NUP153: variants seen among roughly 807,000 people sequenced by gnomAD.
NUP153 encodes the protein nucleoporin 153.
NUP153 carries 27 observed loss-of-function variants against 134.6 expected under a neutral mutation model. The observed-to-expected ratio is 0.20, with a 90% CI of 0.15 to 0.28. The LOEUF (loss-of-function observed/expected upper bound fraction) is 0.28, where lower values mean the gene tolerates loss of function less well. Ranked by LOEUF, NUP153 falls within the 10% of genes least tolerant of loss-of-function variation. The probability of loss-of-function intolerance (pLI) is 1.00; values close to 1 mark genes in which losing one functional copy is unlikely to be tolerated. For synonymous variants in NUP153, 640 were observed against 623.5 expected (o/e 1.03, Z -0.40); for missense variants, 1,821 against 1,731.3 (o/e 1.05, Z -0.92).
chr6:17,699,910 CTG>C (rs1040979884), intron 1 of NUP153, among the ~76,000 whole-genome samples: 87 of 152,302 alleles, frequency 5.7e-4, no homozygotes, highest in African/African-American at 1.9e-3. Context: ...ACTAAGATAT[CTG>C]CCTTGTCAGG....
chr6:17,670,287 A>T (rs914568123), intron 5 of NUP153, among the ~76,000 whole-genome samples: 1 of 152,078 alleles, frequency 6.6e-6, no homozygotes, highest in African/African-American at 2.4e-5. Flanking sequence ...CAAGTACAAC[A>T]TCTAAAAACA....
chr6:17,632,712 G>A lies in NUP153; in HGVS notation c.2597C>T (p.Ala866Val), dbSNP rs1422556351. 6 of 1,613,752 alleles carry A rather than the reference G, an allele frequency of 3.7e-6. No individual in the cohort carries two copies. The Admixed American group carries it at 1.0e-4, about 27-fold the overall frequency. ...ACATGCCAAACATTTGGTAGAGTCT[G>A]CCTTATTCTGCACTAGGCACAATTC... ...DCELCLVQNK[A>V]DSTKCLACES... Residue 866 changes from alanine to valine, a missense_variant, in exon 17 of 22, where the codon GCA becomes GTA. Transcript: ENST00000262077.
rs754054738 is a variant in NUP153 at position 17,628,831 on chromosome 6, T to G, written c.3368A>C (p.Asp1123Ala). Residue 1123 changes from aspartate (D) to alanine (A), a missense_variant, in exon 18 of 22, where the codon GAC becomes GCC. Coordinates refer to ENST00000262077, the MANE Select transcript of NUP153 (RefSeq NM_005124.4). The surrounding 1 kb of genome is among the most constrained non-coding windows in gnomAD (Gnocchi z 5.4). The part of the protein sequence containing the change: ...STSLVFGKKA[D>A]NEEPKCQPVF... ...TGGTTGACACTTTGGCTCTTCATTG[T>G]CAGCTTTCTTCCCAAAAACTAGGGA... 1 of 1,614,222 alleles carries G rather than the reference T, an allele frequency of 6.2e-7. No individual in the cohort carries two copies. Among genetic ancestry groups the G allele is most frequent in the South Asian group, 1.1e-5 (1 of 91,088 alleles).
intron 14 of NUP153, among the ~76,000 whole-genome samples, chr6:17,641,267 G>T (rs1462826422): frequency 6.6e-6 from 1 of 152,030 alleles, no homozygotes; most frequent in Non-Finnish European, 1.5e-5. Context: ...CAGGCACGGG[G>T]GCCCGTGCCT....
chr6:17,628,601 G>A lies in NUP153; in HGVS notation c.3544+54C>T, dbSNP rs1304620309. The A allele has an allele frequency of 1.1e-5, 11 of 963,910 alleles. No individual in the cohort carries two copies. The highest frequency in any genetic ancestry group is 1.1e-4 in the East Asian group (3 of 27,812). 59.7% of individuals were successfully genotyped at this position (963,910 alleles called of 1,614,324 possible). A position where few individuals can be genotyped will look rare whatever the true frequency, so the allele number is the denominator to read the frequency against. ...CATCTGTCAAGGCAACTTGTAAAAC[G>A]ACAACTTGTAAAAAAAAAAATAATA... is the stretch of plus-strand genomic sequence containing the variant. On this transcript the variant is annotated intron_variant, in intron 18 of 21. Coordinates refer to ENST00000262077, the MANE Select transcript of NUP153 (RefSeq NM_005124.4). This position sits in a 1 kb window ranked among gnomAD's most constrained non-coding sequence, Gnocchi z 5.4.
chr6:17,621,051 G>A (rs1454777920), intron 20 of NUP153, among the ~76,000 whole-genome samples: 2 of 152,048 alleles, frequency 1.3e-5, no homozygotes, highest in Non-Finnish European at 2.9e-5. Context: ...CTGAAAAGCG[G>A]GCAAAGGATC....
rs1280568797 is a variant in NUP153, at chr6:17,630,710, G to GAGAGGGGAGGGGAGACA, written c.2660-1188_2660-1172dup. ...GAGGAGAGCAGAGGAGACGGGAGAC[G>GAGAGGGGAGGGGAGACA]AGAGGGGAGGGGAGACAAGAGGGGA... On this transcript the variant is annotated intron_variant, in intron 17 of 21. Coordinates refer to ENST00000262077, the MANE Select transcript of NUP153 (RefSeq NM_005124.4). 3.5e-5 allele frequency among the ~76,000 whole-genome samples: 5 copies of GAGAGGGGAGGGGAGACA among 143,734 alleles called. 1 individual carries two copies. The highest frequency in any genetic ancestry group is 5.1e-5 in the African/African-American group (2 of 39,248). 94.3% of individuals were successfully genotyped at this position (143,734 alleles called of 152,430 possible).
chr6:17,626,361 A>G (rs1764949457), intron 18 of NUP153, among the ~76,000 whole-genome samples, 197 bp from the exon 19 acceptor site: 1 of 152,214 alleles, frequency 6.6e-6, no homozygotes, highest in South Asian at 2.1e-4. Context: ...ATCTTCTTTT[A>G]TAGCTTATGG....
chr6:17,617,465 TAAAAA>T (rs71002233), intron 20 of NUP153, among the ~76,000 whole-genome samples: 1 of 105,776 alleles, frequency 9.5e-6, no homozygotes, highest in Non-Finnish European at 1.9e-5. Flanking sequence ...TAGTGGGAAT[TAAAAA>T]AAAAAAAAAA....
At position 17,628,692 on chromosome 6, in the gene NUP153, G is replaced by A. The variant is rs1765072101; in HGVS notation, c.3507C>T (p.Ala1169=). 1 of 1,610,568 alleles carries A rather than the reference G, an allele frequency of 6.2e-7. No individual in the cohort carries two copies. Among genetic ancestry groups the A allele is most frequent in the Non-Finnish European group, 8.5e-7 (1 of 1,178,040 alleles). The change falls in exon 18 of 22, where the codon GCC becomes GCT. Residue 1169 remains alanine (A), a synonymous_variant. Coordinates refer to ENST00000262077, the MANE Select transcript of NUP153 (RefSeq NM_005124.4). The surrounding 1 kb of genome is among the most constrained non-coding windows in gnomAD (Gnocchi z 5.4). ...TAGTTTGAGCTCCAAAGGCAAAAGT[G>A]GCTTTTGCTGGCTGTTCAGATTCCT... The part of the protein sequence containing the change: ...SEKESEQPAK[A]TFAFGAQTST...
intron 11 of NUP153, among the ~76,000 whole-genome samples, chr6:17,655,025 C>T (rs1766728063): frequency 6.6e-6 from 1 of 152,142 alleles, no homozygotes. Flanking sequence ...CAGGATTATA[C>T]AAGACAAGAG....
In NUP153 at chr6:17,647,969, A is replaced by G. The variant is rs1164171684; in HGVS notation, c.1534-64T>C. On this transcript the variant is annotated intron_variant, in intron 12 of 21. Coordinates refer to ENST00000262077, the MANE Select transcript of NUP153 (RefSeq NM_005124.4). ...CTTTTTAGAAAAATAAAGTGACAAA[A>G]AAGACATTAAGCAAACTGATTATTC... 5.0e-6 allele frequency: 5 copies of G among 1,003,952 alleles called. No homozygotes were observed. In the East Asian group the frequency reaches 1.2e-4, roughly 24 times the overall value. 62.2% of individuals were successfully genotyped at this position (1,003,952 alleles called of 1,614,324 possible). A position where few individuals can be genotyped will look rare whatever the true frequency, so the allele number is the denominator to read the frequency against.
At chr6:17,640,289 C>CA (rs1157685590) in intron 14 of NUP153, among the ~76,000 whole-genome samples, 7 of 151,810 alleles carry the variant, frequency 4.6e-5, no homozygotes, top group South Asian at 2.1e-4. Context: ...AATAAAAAGG[C>CA]AAAAAAATAT....
intron 16 of NUP153, among the ~76,000 whole-genome samples, chr6:17,633,050 T>C (rs1438884927): frequency 6.6e-6 from 1 of 152,176 alleles, no homozygotes; most frequent in Non-Finnish European, 1.5e-5. Context: ...TTTAACCTTA[T>C]AAATGATTTC....
In NUP153 at chr6:17,649,381, A is replaced by G; in HGVS notation, c.1396-81T>C. The G allele has an allele frequency of 2.2e-6, 3 of 1,344,014 alleles. No homozygotes were observed. In the South Asian group the frequency reaches 4.0e-5, roughly 18 times the overall value. 83.3% of individuals were successfully genotyped at this position (1,344,014 alleles called of 1,614,324 possible). ...CTACTTATTTTCAGCATGAAAGTAT[A>G]CAGGAAGAAGATGGTACCATGTAGT... is the stretch of plus-strand genomic sequence containing the variant. On this transcript the variant is annotated intron_variant, in intron 11 of 21. Coordinates refer to ENST00000262077, the MANE Select transcript of NUP153 (RefSeq NM_005124.4).
intron 14 of NUP153, among the ~76,000 whole-genome samples, chr6:17,641,782 G>A (rs978666053): frequency 7.2e-5 from 11 of 152,104 alleles, no homozygotes; most frequent in Non-Finnish European, 1.2e-4. Context: ...AACCTGAGAG[G>A]TGGAGCTTGC....
chr6:17,652,133 A>G (rs915978339), intron 11 of NUP153, among the ~76,000 whole-genome samples: 2 of 152,166 alleles, frequency 1.3e-5, no homozygotes, highest in African/African-American at 2.4e-5. Flanking sequence ...CCATCTCTCA[A>G]TAATTTAACA....
intron 20 of NUP153, among the ~76,000 whole-genome samples, chr6:17,618,431 A>G (rs192843207): frequency 2.0e-5 from 3 of 152,172 alleles, no homozygotes; most frequent in Non-Finnish European, 4.4e-5. Context: ...TCTGAACTCC[A>G]TATCTTTAAT....
chr6:17,641,733 T>TA (rs1765853039), intron 14 of NUP153, among the ~76,000 whole-genome samples: 1 of 151,944 alleles, frequency 6.6e-6, no homozygotes, highest in South Asian at 2.1e-4. Context: ...CAGGCGCCTG[T>TA]AGTCCCAGCT....
Sources: gnomAD v4.1 joint callset for allele counts (sites outside exome capture counted in the v4.1 genomes callset) on GRCh38, gnomAD v4.1.1 for gene constraint, Gnocchi (gnomAD v3.1) non-coding constraint, MANE v1.5 for transcripts, NCBI Gene and HGNC (gene_info 2026-07-23, HGNC 2026-07-21) for gene names.